The following RNF213 variants were observed in gnomAD, a reference collection of about 807,000 sequenced individuals.
The protein encoded by RNF213 is ring finger protein 213, also known as E3 ubiquitin-protein ligase RNF213.
A neutral mutation model predicts 514.4 loss-of-function variants in RNF213; 341 were observed. The ratio of observed to expected loss-of-function variants is 0.66; its 90% CI spans 0.61 to 0.73. The LOEUF is 0.73. Among genes scored for constraint, RNF213 ranks in the 30% least tolerant of loss-of-function variants. The probability of loss-of-function intolerance (pLI) is 0.00; values close to 1 mark genes in which losing one functional copy is unlikely to be tolerated. For synonymous variants in RNF213, 2,655 were observed against 2,658.2 expected (o/e 1.00, Z 0.04); for missense variants, 5,767 against 6,615.6 (o/e 0.87, Z 4.45).
Position 80,277,448 on chromosome 17 carries a change from A to G in RNF213, c.261+4044A>G, listed in dbSNP as rs190809282. Among the ~76,000 whole-genome samples, 976 of 152,142 alleles carry G rather than the reference A, an allele frequency of 6.4e-3. 5 individuals carry two copies. The highest frequency in any genetic ancestry group is 0.011 in the Non-Finnish European group (717 of 67,998). On this transcript the variant is annotated intron_variant, in intron 3 of 67. Coordinates refer to ENST00000582970, the MANE Select transcript of RNF213 (RefSeq NM_001256071.3). Reference sequence around the variant, plus strand: ...CCCCGTCTCTACTAAAAATACAAAAAGTAGCCGGGTGTGGTGGTGCTTGCC... The same window carrying G: ...CCCCGTCTCTACTAAAAATACAAAAGGTAGCCGGGTGTGGTGGTGCTTGCC...
Position 80,294,941 on chromosome 17 carries a change from C to T in RNF213, c.1693C>T (p.Gln565Ter). 6.2e-7 allele frequency: 1 copy of T among 1,614,192 alleles called. No homozygotes were observed. Among genetic ancestry groups the T allele is most frequent in the Non-Finnish European group, 8.5e-7 (1 of 1,180,036 alleles). ...QFEQFCFVLQQPMIYEGQAQL... is the reference protein window; with the variant it reads ...QFEQFCFVLQ ...CGAGCAGTTTTGCTTTGTCCTGCAA[C>T]AGCCTATGATTTATGAAGGACAGGC... Residue 565 changes from glutamine to a stop codon, truncating the protein, a stop_gained, in exon 9 of 68, where the codon CAG becomes TAG. Coordinates refer to ENST00000582970, the MANE Select transcript of RNF213 (RefSeq NM_001256071.3). LOFTEE classifies it high-confidence loss of function.
intron 11 of RNF213, among the ~76,000 whole-genome samples, 198 bp from the exon 12 acceptor site, chr17:80,306,054 T>C (rs1456906643): frequency 6.6e-6 from 1 of 152,118 alleles, no homozygotes; most frequent in East Asian, 1.9e-4. Flanking sequence ...GGTTTCAAGC[T>C]CCTGGGCTCA....
In RNF213 at chr17:80,353,171, C is replaced by T. The variant is rs989738328; in HGVS notation, c.10423+112C>T. On this transcript the variant is annotated intron_variant, in intron 33 of 67. Transcript: ENST00000582970. This position sits in a 1 kb window ranked among gnomAD's most constrained non-coding sequence, Gnocchi z 5.0. ...AGCAGGGCCACCGTGTTTCGTCCCT[C>T]GGCAGGAGCTCGGGGACACATCTGC... 9 of 1,449,202 alleles carry T rather than the reference C, an allele frequency of 6.2e-6. No individual in the cohort carries two copies. Among genetic ancestry groups the T allele is most frequent in the East Asian group, 4.6e-5 (2 of 43,742 alleles). 89.8% of individuals were successfully genotyped at this position (1,449,202 alleles called of 1,614,324 possible). A position where few individuals can be genotyped will look rare whatever the true frequency, so the allele number is the denominator to read the frequency against.
intron 21 of RNF213, 191 bp from the exon 22 acceptor site, chr17:80,333,914 C>G (rs1179942984): frequency 6.7e-6 from 4 of 599,664 alleles, no homozygotes; most frequent in African/African-American, 3.7e-5. Context: ...TCATCTTGAT[C>G]AGGGAGAAAC....
intron 15 of RNF213, among the ~76,000 whole-genome samples, chr17:80,313,714 AGGT>A (rs1380146397): frequency 4.4e-4 from 19 of 42,954 alleles, no homozygotes; most frequent in African/African-American, 1.3e-3. Flanking sequence ...GTGGTGATGG[AGGT>A]GGTGGTGGTG....
chr17:80,336,567 C>T, intron 23 of RNF213, 189 bp downstream of exon 23: 1 of 682,620 alleles, frequency 1.5e-6, no homozygotes, highest in South Asian at 1.5e-5. Flanking sequence ...AAGCAGGATA[C>T]AAAATTACAT....
chr17:80,377,531 T>C lies in RNF213; in HGVS notation c.13511-231T>C, dbSNP rs967405348. On this transcript the variant is annotated intron_variant, in intron 53 of 67. Transcript: ENST00000582970. The surrounding 1 kb of genome is among the most constrained non-coding windows in gnomAD (Gnocchi z 4.1). ...TGGTATGGGCCTATATTCTAATTGC[T>C]CTTTACTTGATAAAATTAATAAAAT... 6.5e-6 allele frequency: 4 copies of C among 614,194 alleles called. No individual in the cohort carries two copies. The highest frequency in any genetic ancestry group is 2.9e-5 in the East Asian group (1 of 34,690). 38.0% of individuals were successfully genotyped at this position (614,194 alleles called of 1,614,324 possible). A position where few individuals can be genotyped will look rare whatever the true frequency, so the allele number is the denominator to read the frequency against.
At chr17:80,315,620 CCGTGGAGGTGATGGTGGTGGTGGTA>C (rs2045885919) in intron 15 of RNF213, 1 of 166 alleles carries the variant, frequency 6.0e-3, no homozygotes, top group Non-Finnish European at 0.011. Flanking sequence ...TGATGGTGGT[CCGTGGAGGTGATGGTGGTGGTGGTA>C]ATGGAGGTGA....
At chr17:80,378,514 G>A (rs1393188582) in intron 54 of RNF213, among the ~76,000 whole-genome samples, 2 of 152,180 alleles carry the variant, frequency 1.3e-5, no homozygotes, top group East Asian at 3.8e-4. Context: ...AGTGCAGAGT[G>A]ACATGATCAT....
intron 2 of RNF213, among the ~76,000 whole-genome samples, chr17:80,270,773 G>C (rs1225325996): frequency 6.6e-6 from 1 of 152,208 alleles, no homozygotes; most frequent in Non-Finnish European, 1.5e-5. Context: ...GGCTTGCTCA[G>C]CAAGAGAAAC....
rs1409942081 is a variant in RNF213, at chr17:80,343,428, G to A, written c.6183+103G>A. 6.8e-6 allele frequency: 7 copies of A among 1,021,954 alleles called. No homozygotes were observed. The highest frequency in any genetic ancestry group is 1.4e-5 in the South Asian group (1 of 73,320). 63.3% of individuals were successfully genotyped at this position (1,021,954 alleles called of 1,614,324 possible). ...TGTATAGAATTCCTTGTTTCCACACGCACAGTCCTGTGAAGCTTAACAGTG... is the reference window on the plus strand; with the variant it reads ...TGTATAGAATTCCTTGTTTCCACACACACAGTCCTGTGAAGCTTAACAGTG... On this transcript the variant is annotated intron_variant, in intron 27 of 67. Transcript: ENST00000582970. The surrounding 1 kb of genome is among the most constrained non-coding windows in gnomAD (Gnocchi z 4.3).
chr17:80,291,216 C>G (rs992218160), intron 7 of RNF213, among the ~76,000 whole-genome samples: 2 of 151,868 alleles, frequency 1.3e-5, no homozygotes, highest in African/African-American at 4.8e-5. Flanking sequence ...CATATTCCAT[C>G]ATGGACCTTT....
intron 49 of RNF213, 116 bp downstream of exon 49, chr17:80,373,281 CCTT>C (rs2079598398): frequency 1.4e-6 from 1 of 738,266 alleles, no homozygotes; most frequent in African/African-American, 2.8e-5. Context: ...CCCCCTCACA[CCTT>C]CCCCACCACA....
Position 80,345,455 on chromosome 17 carries a change from C to T in RNF213, c.7120C>T (p.Leu2374Phe). The T allele has an allele frequency of 1.2e-6, 2 of 1,611,986 alleles. No homozygotes were observed. Among genetic ancestry groups the T allele is most frequent in the East Asian group, 2.2e-5 (1 of 44,854 alleles). ...DFDKLPRHKK[L>F]ERLCLTLGIP... ...TGATAAACTGCCCAGACACAAGAAACTTGAGAGGCTCTGCCTGACCTTAGG... is the reference window on the plus strand; with the variant it reads ...TGATAAACTGCCCAGACACAAGAAATTTGAGAGGCTCTGCCTGACCTTAGG... The change falls in exon 29 of 68, where the codon CTT (leucine) becomes TTT (phenylalanine). Residue 2374 changes from leucine (L) to phenylalanine (F), a missense_variant. Leu to Phe is a conservative substitution (Grantham distance 22, BLOSUM62 0). Transcript: ENST00000582970. The surrounding 1 kb of genome is among the most constrained non-coding windows in gnomAD (Gnocchi z 6.0).
At chr17:80,278,916 C>A in intron 3 of RNF213, 1 of 1,537,112 alleles carries the variant, frequency 6.5e-7, no homozygotes, top group Non-Finnish European at 8.7e-7. Context: ...AGCAGGTAGT[C>A]CGAGTCAATA....
In RNF213 at chr17:80,346,932, A is replaced by G. The variant is rs1273084802; in HGVS notation, c.8597A>G (p.Asp2866Gly). The G allele has an allele frequency of 6.2e-7, 1 of 1,613,968 alleles. No homozygotes were observed. Among genetic ancestry groups the G allele is most frequent in the South Asian group, 1.1e-5 (1 of 91,076 alleles). ...PLKTLHPLLEDGCIEDDPAPH... is the reference protein window; with the variant it reads ...PLKTLHPLLEGGCIEDDPAPH... Reference sequence around the variant, plus strand: ...AAGACTCTGCACCCGCTGCTGGAAGACGGATGCATTGAAGACGATCCCGCC... The same window carrying G: ...AAGACTCTGCACCCGCTGCTGGAAGGCGGATGCATTGAAGACGATCCCGCC... The change falls in exon 29 of 68, where the codon GAC (aspartate) becomes GGC (glycine). Residue 2866 changes from aspartate (D) to glycine (G), a missense_variant. By Grantham distance (94) the Asp-to-Gly change is moderately conservative (BLOSUM62 -1). Transcript: ENST00000582970. This position sits in a 1 kb window ranked among gnomAD's most constrained non-coding sequence, Gnocchi z 8.1.
intron 7 of RNF213, 80 bp downstream of exon 7, chr17:80,290,808 A>ATTT: frequency 6.5e-7 from 1 of 1,550,352 alleles, no homozygotes; most frequent in Non-Finnish European, 8.8e-7. Flanking sequence ...GTTTAAAAAA[A>ATTT]TTTTGTTTTT....
In RNF213 at chr17:80,319,900, C is replaced by A. The variant is rs1009717825; in HGVS notation, c.3024+588C>A. 5.6e-6 allele frequency: 6 copies of A among 1,067,946 alleles called. No homozygotes were observed. The South Asian group carries it at 1.5e-4, about 27-fold the overall frequency. 66.2% of individuals were successfully genotyped at this position (1,067,946 alleles called of 1,614,324 possible). ...TAACCCCTGTACAAGCACAGCCTTG[C>A]GGCCACAGGGGAAGTCCAGAAACAT... On this transcript the variant is annotated intron_variant, in intron 17 of 67. Transcript: ENST00000582970.
At position 80,345,361 on chromosome 17, in the gene RNF213, G is replaced by C. The variant is rs771547942; in HGVS notation, c.7026G>C (p.Lys2342Asn). 8 of 1,614,122 alleles carry C rather than the reference G, an allele frequency of 5.0e-6. No individual in the cohort carries two copies. Among genetic ancestry groups the C allele is most frequent in the Admixed American group, 3.3e-5 (2 of 60,024 alleles). ...AISHLTGKVI[K>N]RDVMTRDLYQ... ...GTCACTTGACTGGGAAGGTCATCAA[G>C]AGAGACGTCATGACCAGGGACCTGT... is the stretch of plus-strand genomic sequence containing the variant. Residue 2342 changes from lysine (K) to asparagine (N), a missense_variant, in exon 29 of 68, where the codon AAG becomes AAC. Lys to Asn is a moderately conservative substitution (Grantham distance 94). This residue lies in a region of RNF213 where 1,377 missense variants were observed against 1,635.2 expected (regional missense o/e 0.84). Transcript: ENST00000582970. The surrounding 1 kb of genome is among the most constrained non-coding windows in gnomAD (Gnocchi z 6.0).
Sources: allele counts gnomAD v4.1 joint callset (sites outside exome capture counted in the v4.1 genomes callset), GRCh38; gene constraint gnomAD v4.1.1; regional missense constraint gnomAD v4.1.1; non-coding constraint Gnocchi (gnomAD v3.1); transcripts MANE v1.5; gene names NCBI Gene and HGNC (gene_info 2026-07-23, HGNC 2026-07-21).